Variants in ADAMTSL1 observed in about 807,000 individuals in gnomAD.
ADAMTSL1 encodes ADAMTS like 1.
In ADAMTSL1, 126 loss-of-function variants were observed where a neutral mutation model predicts 201.8. The observed-to-expected ratio is 0.62, with a 90% CI of 0.54 to 0.72. The LOEUF (loss-of-function observed/expected upper bound fraction) is 0.72, where lower values mean the gene tolerates loss of function less well. ADAMTSL1 is among the 30% of genes least tolerant of loss of function. ADAMTSL1 has a pLI of 0.00. For missense variants in ADAMTSL1, 2,679 were observed against 2,277.8 expected, an observed-to-expected ratio of 1.18 and a Z score of -3.59; for synonymous variants, 1,121 against 903.4, an observed-to-expected ratio of 1.24 and a Z score of -4.32.
At chr9:18,148,339 C>CAA (rs397802968) in intron 1 of ADAMTSL1, among the ~76,000 whole-genome samples, 7,988 of 137,872 alleles carry the variant, frequency 0.058, 252 homozygotes, top group Non-Finnish European at 0.072. Flanking sequence ...CAGTGACAGC[C>CAA]AAAAAAAAAA....
At chr9:18,199,445 A>G (rs1829337744) in intron 2 of ADAMTSL1, among the ~76,000 whole-genome samples, 2 of 152,114 alleles carry the variant, frequency 1.3e-5, no homozygotes, top group African/African-American at 4.8e-5. Context: ...TTTTCCTTCC[A>G]TATTTATTCA....
intron 2 of ADAMTSL1, among the ~76,000 whole-genome samples, chr9:18,455,738 G>C (rs559948454): frequency 6.6e-6 from 1 of 151,992 alleles, no homozygotes; most frequent in South Asian, 2.1e-4. Context: ...TCTAATAAAA[G>C]TTGCCAATCT....
At chr9:18,839,431 C>T (rs1276613633) in intron 23 of ADAMTSL1, among the ~76,000 whole-genome samples, 3 of 152,016 alleles carry the variant, frequency 2.0e-5, no homozygotes, top group African/African-American at 7.3e-5. Flanking sequence ...TCCAGTCTAT[C>T]GTTGTTGGAC....
intron 7 of ADAMTSL1, among the ~76,000 whole-genome samples, chr9:18,650,793 A>G (rs1315330725): frequency 1.3e-5 from 2 of 152,124 alleles, no homozygotes; most frequent in Non-Finnish European, 2.9e-5. Context: ...ATTTTTGTCA[A>G]TGCCAGTTTA....
intron 1 of ADAMTSL1, among the ~76,000 whole-genome samples, chr9:18,054,297 G>A (rs1411627144): frequency 6.6e-6 from 1 of 152,146 alleles, no homozygotes; most frequent in African/African-American, 2.4e-5. Context: ...TTCAAATTTT[G>A]AATTACAGCT....
At chr9:18,163,952 C>G (rs1443489878) in exon 2 of ADAMTSL1, 1 of 151,986 alleles carries the variant, frequency 6.6e-6, no homozygotes. Flanking sequence ...CCTGTCTGAC[C>G]TCTTGAATAG....
chr9:18,200,305 A>G (rs1829385313), intron 2 of ADAMTSL1, among the ~76,000 whole-genome samples: 1 of 151,950 alleles, frequency 6.6e-6, no homozygotes, highest in Non-Finnish European at 1.5e-5. Context: ...GTCAGATAAT[A>G]TAATTTTGTT....
chr9:18,252,609 C>G (rs1336186143), intron 2 of ADAMTSL1, among the ~76,000 whole-genome samples: 2 of 152,052 alleles, frequency 1.3e-5, no homozygotes, highest in African/African-American at 4.8e-5. Context: ...TATACATGTT[C>G]AGTACAAATG....
At chr9:18,177,316 T>TTA (rs1828213032) in intron 2 of ADAMTSL1, among the ~76,000 whole-genome samples, 1 of 152,162 alleles carries the variant, frequency 6.6e-6, no homozygotes, top group African/African-American at 2.4e-5. Flanking sequence ...ATAATTGTTA[T>TTA]TAATAGTAGA....
chr9:18,102,282 CATTT>C (rs1824562920), intron 1 of ADAMTSL1, among the ~76,000 whole-genome samples: 1 of 151,812 alleles, frequency 6.6e-6, no homozygotes, highest in African/African-American at 2.4e-5. Flanking sequence ...ATTTTTTAGC[CATTT>C]ATTTTATTTA....
rs200362260 is a variant in ADAMTSL1 at position 18,838,874 on chromosome 9, C to CT, written c.4249+8905dup. On this transcript the variant is annotated intron_variant, in intron 23 of 28. Transcript: ENST00000380548. ...CTGGGCAACAAGTGAGATCCTGTCTCTTTTTTTTAAAAAAAAAAAAAACCT... is the reference window on the plus strand; with the variant it reads ...CTGGGCAACAAGTGAGATCCTGTCTCTTTTTTTTTAAAAAAAAAAAAAACCT... Among the ~76,000 whole-genome samples the CT allele has an allele frequency of 3.7e-4, 53 of 141,734 alleles. 1 individual carries two copies. Among genetic ancestry groups the CT allele is most frequent in the East Asian group, 2.8e-3 (14 of 4,916 alleles). The allele number at this position is 141,734 out of a possible 152,430, so 93.0% of individuals were successfully genotyped here. A position where few individuals can be genotyped will look rare whatever the true frequency, so the allele number is the denominator to read the frequency against.
In ADAMTSL1 at chr9:18,892,613, G is replaced by A. The variant is rs1382141053; in HGVS notation, c.4851+17G>A. ...TGGGGCCAGGTGAGGAGCCAGAGAG[G>A]TTGTTATTTGAAAGCTAAATCTAAA... On this transcript the variant is annotated intron_variant, in intron 26 of 28. Coordinates refer to ENST00000380548, the MANE Select transcript of ADAMTSL1 (RefSeq NM_001040272.6). The A allele has an allele frequency of 6.5e-7, 1 of 1,550,180 alleles. No individual in the cohort carries two copies. The highest frequency in any genetic ancestry group is 1.4e-5 in the African/African-American group (1 of 73,188).
At chr9:18,337,860 A>G (rs1835307661) in intron 2 of ADAMTSL1, among the ~76,000 whole-genome samples, 1 of 152,116 alleles carries the variant, frequency 6.6e-6, no homozygotes, top group Non-Finnish European at 1.5e-5. Context: ...TACTGAATAT[A>G]TTATCGAACT....
Position 18,578,963 on chromosome 9 carries a change from A to T in ADAMTSL1, c.474+4697A>T, listed in dbSNP as rs1372523305. Among the ~76,000 whole-genome samples, 9 of 151,194 alleles carry T rather than the reference A, an allele frequency of 6.0e-5. No homozygotes were observed. In the East Asian group the frequency reaches 1.7e-3, roughly 29 times the overall value. On this transcript the variant is annotated intron_variant, in intron 4 of 28. Transcript: ENST00000380548. The stretch of plus-strand genomic sequence containing the variant: ...ATATCTCATAGTGGTTTTGATTTGC[A>T]TTTCTCTGATGGCCAGTGATGATGA...
At chr9:18,104,664 G>A (rs747777753) in intron 1 of ADAMTSL1, among the ~76,000 whole-genome samples, 3 of 152,092 alleles carry the variant, frequency 2.0e-5, no homozygotes, top group African/African-American at 7.2e-5. Flanking sequence ...GGTGATGGGC[G>A]CACTAAAAGC....
chr9:18,663,208 G>T (rs919766531), intron 9 of ADAMTSL1, among the ~76,000 whole-genome samples: 1 of 152,048 alleles, frequency 6.6e-6, no homozygotes, highest in African/African-American at 2.4e-5. Flanking sequence ...AGTTCTACAT[G>T]TGATATGAAA....
At chr9:18,222,342 C>G (rs1164685888) in intron 2 of ADAMTSL1, among the ~76,000 whole-genome samples, 1 of 151,672 alleles carries the variant, frequency 6.6e-6, no homozygotes, top group Non-Finnish European at 1.5e-5. Flanking sequence ...TTTTTTGTTG[C>G]TACCTTTGGC....
intron 2 of ADAMTSL1, among the ~76,000 whole-genome samples, chr9:18,524,266 C>T (rs867730603): frequency 3.3e-4 from 50 of 152,262 alleles, no homozygotes; most frequent in African/African-American, 1.2e-3. Flanking sequence ...TATAAGAATG[C>T]TTGTGATTTT....
Position 18,186,015 on chromosome 9 carries a change from A to T in ADAMTSL1, c.207+22034A>T, listed in dbSNP as rs530087374. 5.3e-5 allele frequency among the ~76,000 whole-genome samples: 8 copies of T among 152,310 alleles called. No homozygotes were observed. In the South Asian group the frequency reaches 1.4e-3, roughly 28 times the overall value. The stretch of plus-strand genomic sequence containing the variant: ...TTACATATCCCTTTCTCACAGTGTG[A>T]TATGTCAAAATCCTTATAGAATAGT... On this transcript the variant is annotated intron_variant, in intron 2 of 29. Coordinates refer to the ADAMTSL1 transcript ENST00000680146.
Sources: gnomAD v4.1 joint callset for allele counts (sites outside exome capture counted in the v4.1 genomes callset) on GRCh38, gnomAD v4.1.1 for gene constraint, MANE v1.5 for transcripts, NCBI Gene and HGNC (gene_info 2026-07-23, HGNC 2026-07-21) for gene names.